SEPTIN7: variants seen among roughly 807,000 people sequenced by gnomAD.
SEPTIN7 encodes septin 7, also known as septin-7.
In SEPTIN7, 10 loss-of-function variants were observed where a neutral mutation model predicts 63.3. That is an observed-to-expected ratio of 0.16 (90% CI 0.10 to 0.27). The LOEUF (loss-of-function observed/expected upper bound fraction) is 0.27. SEPTIN7 is among the 10% of genes least tolerant of loss of function. SEPTIN7 has a pLI of 1.00. For missense variants in SEPTIN7, 310 were observed against 521.0 expected (o/e 0.59, Z 3.94); for synonymous variants, 131 against 165.3 (o/e 0.79, Z 1.59).
At chr7:35,892,260 T>C (rs1583638325) in intron 11 of SEPTIN7, among the ~76,000 whole-genome samples, 1 of 152,136 alleles carries the variant, frequency 6.6e-6, no homozygotes, top group Non-Finnish European at 1.5e-5. Context: ...AATAGAAAAA[T>C]GTCCCTTCTT....
intron 3 of SEPTIN7, 132 bp downstream of exon 3, chr7:35,833,032 T>G: frequency 1.7e-6 from 1 of 595,146 alleles, no homozygotes; most frequent in Non-Finnish European, 3.0e-6. Context: ...TTCTCTTATG[T>G]GCATACATTT....
chr7:35,822,297 G>A (rs1290563323), intron 1 of SEPTIN7, among the ~76,000 whole-genome samples: 1 of 151,998 alleles, frequency 6.6e-6, no homozygotes, highest in African/African-American at 2.4e-5. Flanking sequence ...CCTGAGCTCA[G>A]GCAGTCCACC....
chr7:35,904,562 G>A lies in SEPTIN7; in HGVS notation c.*269G>A, dbSNP rs1788508437. ...AACAGATATCTTCAGTTTAATGCAA[G>A]AGAACATTTTACTGTTGTACAATCA... On this transcript the variant is annotated 3_prime_UTR_variant, in exon 14 of 14. Coordinates refer to ENST00000350320, the MANE Select transcript of SEPTIN7 (RefSeq NM_001788.6). 3.7e-6 allele frequency: 1 copy of A among 273,302 alleles called. No individual in the cohort carries two copies. The highest frequency in any genetic ancestry group is 2.2e-5 in the African/African-American group (1 of 45,672). 16.9% of individuals were successfully genotyped at this position (273,302 alleles called of 1,614,324 possible). A position where few individuals can be genotyped will look rare whatever the true frequency, so the allele number is the denominator to read the frequency against.
At chr7:35,887,788 A>G (rs577214945) in intron 10 of SEPTIN7, among the ~76,000 whole-genome samples, 1 of 152,378 alleles carries the variant, frequency 6.6e-6, no homozygotes, top group South Asian at 2.1e-4. Context: ...TTTATGCCTA[A>G]AAATTCTAAA....
At chr7:35,893,016 T>C (rs1423121058) in intron 11 of SEPTIN7, among the ~76,000 whole-genome samples, 2 of 152,292 alleles carry the variant, frequency 1.3e-5, no homozygotes, top group African/African-American at 4.8e-5. Context: ...TCTGACATTG[T>C]CTTGAAAATG....
chr7:35,803,753 T>G (rs1379140275), intron 1 of SEPTIN7, among the ~76,000 whole-genome samples: 1 of 152,234 alleles, frequency 6.6e-6, no homozygotes, highest in African/African-American at 2.4e-5. Flanking sequence ...AAGTTTGGAC[T>G]GTAAAGATAA....
intron 9 of SEPTIN7, 23 bp from the exon 10 acceptor site, chr7:35,885,805 T>A (rs371216438): frequency 2.2e-4 from 347 of 1,578,532 alleles, no homozygotes; most frequent in Non-Finnish European, 2.8e-4. Flanking sequence ...ATATAACATA[T>A]GCGGTCTGCT....
At chr7:35,825,200 G>T in intron 1 of SEPTIN7, among the ~76,000 whole-genome samples, 1 of 152,090 alleles carries the variant, frequency 6.6e-6, no homozygotes, top group East Asian at 1.9e-4. Context: ...TCATGTGATT[G>T]TGCATTCCTC....
At chr7:35,847,264 C>T (rs2116025709) in intron 3 of SEPTIN7, 1 of 158,182 alleles carries the variant, frequency 6.3e-6, no homozygotes, top group East Asian at 1.9e-4. Context: ...GCCCACTGCT[C>T]CAGGGATTCC....
At chr7:35,855,139 TTG>T (rs1491019078) in intron 3 of SEPTIN7, among the ~76,000 whole-genome samples, 1 of 152,180 alleles carries the variant, frequency 6.6e-6, no homozygotes, top group East Asian at 1.9e-4. Context: ...TCAATTTTTT[TTG>T]TGTGTGTAAA....
chr7:35,874,409 TCTG>T (rs1175322194), intron 6 of SEPTIN7, among the ~76,000 whole-genome samples: 2 of 152,138 alleles, frequency 1.3e-5, no homozygotes, highest in Admixed American at 6.6e-5. Context: ...TTTTTGTACT[TCTG>T]CTGTCATTTT....
chr7:35,818,659 G>A (rs1246787071), intron 1 of SEPTIN7, among the ~76,000 whole-genome samples: 2 of 151,848 alleles, frequency 1.3e-5, no homozygotes, highest in African/African-American at 4.8e-5. Flanking sequence ...TCTATTATAG[G>A]TCTATTCAGA....
intron 1 of SEPTIN7, among the ~76,000 whole-genome samples, chr7:35,801,756 C>T (rs766374779): frequency 4.0e-5 from 6 of 150,928 alleles, no homozygotes; most frequent in Admixed American, 2.0e-4. Flanking sequence ...AACGCTCGGG[C>T]GAGGGTGCTG....
At chr7:35,855,857 T>C (rs1785177612) in intron 3 of SEPTIN7, among the ~76,000 whole-genome samples, 1 of 152,194 alleles carries the variant, frequency 6.6e-6, no homozygotes, top group Non-Finnish European at 1.5e-5. Context: ...CAATTAAGCA[T>C]ATTATTTAAA....
chr7:35,912,089 C>T (rs183317952), downstream of SEPTIN7, among the ~76,000 whole-genome samples: 361 of 152,280 alleles, frequency 2.4e-3, 2 homozygotes, highest in Non-Finnish European at 3.6e-3. Flanking sequence ...TTGCTTTTAT[C>T]GATTTGCAAA....
intron 1 of SEPTIN7, 155 bp downstream of exon 1, chr7:35,801,425 G>C: frequency 4.1e-6 from 2 of 488,454 alleles, no homozygotes; most frequent in Middle Eastern, 1.0e-3. Flanking sequence ...CCCGGGGCGC[G>C]GCAGCGGCGG....
intron 1 of SEPTIN7, chr7:35,803,064 A>G (rs1562724835): frequency 1.7e-6 from 1 of 592,530 alleles, no homozygotes; most frequent in Middle Eastern, 8.6e-4. Flanking sequence ...CAAATTCACA[A>G]CAAATAACAG....
At chr7:35,820,202 T>C (rs1789329458) in intron 1 of SEPTIN7, among the ~76,000 whole-genome samples, 1 of 152,174 alleles carries the variant, frequency 6.6e-6, no homozygotes, top group Non-Finnish European at 1.5e-5. Flanking sequence ...AGATTCTCTG[T>C]TTTTGGTTTT....
chr7:35,842,578 C>CAATTAATAATTAATTGCAA (rs1784461241), intron 3 of SEPTIN7, among the ~76,000 whole-genome samples: 1 of 152,074 alleles, frequency 6.6e-6, no homozygotes, highest in African/African-American at 2.4e-5. Context: ...TCTTTATATT[C>CAATTAATAATTAATTGCAA]TGGAGACAGA....
Sources: gnomAD v4.1 joint callset for allele counts (sites outside exome capture counted in the v4.1 genomes callset) on GRCh38, gnomAD v4.1.1 for gene constraint, MANE v1.5 for transcripts, NCBI Gene and HGNC (gene_info 2026-07-23, HGNC 2026-07-21) for gene names.